Variants in P2RY8 observed in about 807,000 individuals in gnomAD.
P2RY8 encodes S-geranylgeranyl-glutathione receptor P2RY8.
In P2RY8, 6 loss-of-function variants were observed where a neutral mutation model predicts 10.0. The observed-to-expected ratio is 0.60, with a 90% CI of 0.33 to 1.19. P2RY8 has a LOEUF of 1.19. Ranked by LOEUF, P2RY8 falls within the 50% of genes most tolerant of loss-of-function variation. P2RY8 has a pLI of 0.04. For missense variants in P2RY8, 456 were observed against 542.0 expected (o/e 0.84, Z 1.58); for synonymous variants, 276 against 252.5 (o/e 1.09, Z -0.88).
chrX:1,475,224 T>G (rs1224930302), intron 1 of P2RY8, among the ~76,000 whole-genome samples: 2 of 146,218 alleles, frequency 1.4e-5, no homozygotes, highest in Non-Finnish European at 3.0e-5. Flanking sequence ...GGTGGATGGA[T>G]GGATGAGTGG....
At chrX:1,486,910 A>G (rs2091991213) in intron 1 of P2RY8, among the ~76,000 whole-genome samples, 1 of 152,144 alleles carries the variant, frequency 6.6e-6, no homozygotes, top group Admixed American at 6.5e-5. Context: ...TGTCCCTCAG[A>G]GAGCCCCGGT....
chrX:1,469,718 C>T (rs1246044195), intron 1 of P2RY8, among the ~76,000 whole-genome samples: 2 of 151,752 alleles, frequency 1.3e-5, no homozygotes, highest in South Asian at 2.1e-4. Flanking sequence ...GGTGAAACCC[C>T]ATCTCTACTA....
At chrX:1,473,542 TG>T (rs2091825808) in intron 1 of P2RY8, among the ~76,000 whole-genome samples, 1 of 106,462 alleles carries the variant, frequency 9.4e-6, no homozygotes, top group Admixed American at 9.7e-5. Context: ...GATGGGTGGG[TG>T]GGTGGATGAA....
rs1316024516 is a variant in P2RY8 at position 1,503,751 on chromosome X, T to G, written c.-25+33170A>C. Among the ~76,000 whole-genome samples, 7 of 152,004 alleles carry G rather than the reference T, an allele frequency of 4.6e-5. No homozygotes were observed. In the East Asian group the frequency reaches 1.4e-3, roughly 30 times the overall value. ...CTCTGCTAAAAATACAAAAATTAGCTGGGCATGGTGGCAGGCACCTGTAGT... is the reference window on the plus strand; with the variant it reads ...CTCTGCTAAAAATACAAAAATTAGCGGGGCATGGTGGCAGGCACCTGTAGT... On this transcript the variant is annotated intron_variant, in intron 1 of 1. Coordinates refer to ENST00000381297, the MANE Select transcript of P2RY8 (RefSeq NM_178129.5).
intron 1 of P2RY8, among the ~76,000 whole-genome samples, chrX:1,499,831 G>T (rs1340876451): frequency 6.6e-6 from 1 of 150,512 alleles, no homozygotes; most frequent in Non-Finnish European, 1.5e-5. Flanking sequence ...CTAATTTTTT[G>T]AATCTGTTTT....
At chrX:1,490,229 A>G (rs1251579530) in intron 1 of P2RY8, among the ~76,000 whole-genome samples, 1 of 121,572 alleles carries the variant, frequency 8.2e-6, no homozygotes, top group Admixed American at 7.6e-5. Context: ...GAATGAATGA[A>G]TGATACCCAG....
rs770403593 is a variant in P2RY8, at chrX:1,525,314, G to A, written c.-25+11607C>T. Among the ~76,000 whole-genome samples the A allele has an allele frequency of 1.4e-4, 22 of 152,304 alleles. No individual in the cohort carries two copies. In the South Asian group the frequency reaches 3.3e-3, roughly 23 times the overall value. On this transcript the variant is annotated intron_variant, in intron 1 of 1. Coordinates refer to ENST00000381297, the MANE Select transcript of P2RY8 (RefSeq NM_178129.5). ...CTTTGCAGATGGGATTAAGGTGTAA[G>A]TTAGGATGACATCATACTGCATTTG...
At chrX:1,493,986 T>C (rs1428218693) in intron 1 of P2RY8, 1 of 152,244 alleles carries the variant, frequency 6.6e-6, no homozygotes, top group Non-Finnish European at 1.5e-5. Flanking sequence ...GCTGAGGGCT[T>C]TCTCTGGCAT....
chrX:1,511,097 A>C (rs1160950087), intron 1 of P2RY8, among the ~76,000 whole-genome samples: 4 of 148,694 alleles, frequency 2.7e-5, no homozygotes, highest in Admixed American at 2.0e-4. Context: ...GGAGAATGGC[A>C]TGAAGCTGGA....
intron 1 of P2RY8, among the ~76,000 whole-genome samples, chrX:1,495,054 G>A (rs1400613042): frequency 2.0e-5 from 3 of 151,952 alleles, no homozygotes; most frequent in Non-Finnish European, 4.4e-5. Context: ...GTACTCATTG[G>A]ATGATGCTAA....
At chrX:1,482,160 GGTGTGT>G (rs5901178) in intron 1 of P2RY8, among the ~76,000 whole-genome samples, 33 of 147,042 alleles carry the variant, frequency 2.2e-4, no homozygotes, top group African/African-American at 4.7e-4. Context: ...TTGTGTGTGT[GGTGTGT>G]GTGTGTGTGT....
intron 1 of P2RY8, among the ~76,000 whole-genome samples, chrX:1,470,238 G>A (rs1400645698): frequency 2.0e-5 from 3 of 146,642 alleles, no homozygotes; most frequent in Non-Finnish European, 3.0e-5. Context: ...TGGGCCAGGC[G>A]CGGTGACTCA....
In P2RY8 at chrX:1,536,874, C is replaced by T. The variant is rs188725822; in HGVS notation, c.-25+47G>A. ...GACCCTCCCAGCGACCCTGTCTTCTCCCTTGACAGTGCAGGACAAGCATAA... is the reference window on the plus strand; with the variant it reads ...GACCCTCCCAGCGACCCTGTCTTCTTCCTTGACAGTGCAGGACAAGCATAA... On this transcript the variant is annotated intron_variant, in intron 1 of 1. Transcript: ENST00000381297. The T allele has an allele frequency of 9.9e-4, 211 of 212,630 alleles. 3 individuals are homozygous for T. The highest frequency in any genetic ancestry group is 9.3e-3 in the Admixed American group (158 of 17,056). 13.2% of individuals were successfully genotyped at this position (212,630 alleles called of 1,614,324 possible).
Position 1,470,085 on chromosome X carries a change from A to G in P2RY8, c.-24-3503T>C, listed in dbSNP as rs147429266. ...AACAAAACTCAGGACCTGGCCGGGCATCATGGCTCACACCTGTAATTCCAG... is the reference window on the plus strand; with the variant it reads ...AACAAAACTCAGGACCTGGCCGGGCGTCATGGCTCACACCTGTAATTCCAG... On this transcript the variant is annotated intron_variant, in intron 1 of 1. Transcript: ENST00000381297. Among the ~76,000 whole-genome samples, 1,368 of 152,184 alleles carry G rather than the reference A, an allele frequency of 9.0e-3. 21 individuals carry two copies. Among genetic ancestry groups the G allele is most frequent in the African/African-American group, 0.031 (1,302 of 41,528 alleles).
rs1287096983 is a variant in P2RY8 at position 1,532,394 on chromosome X, A to G, written c.-25+4527T>C. 1.5e-5 allele frequency among the ~76,000 whole-genome samples: 2 copies of G among 129,190 alleles called. 1 individual carries two copies. The highest frequency in any genetic ancestry group is 3.7e-5 in the Non-Finnish European group (2 of 53,880). The allele number at this position is 129,190 out of a possible 152,430, so 84.8% of individuals were successfully genotyped here. A position where few individuals can be genotyped will look rare whatever the true frequency, so the allele number is the denominator to read the frequency against. On this transcript the variant is annotated intron_variant, in intron 1 of 1. Coordinates refer to ENST00000381297, the MANE Select transcript of P2RY8 (RefSeq NM_178129.5). ...ACGTATATGATGTGTGTATATGCAC[A>G]TATATGTATATATGTATATGATGTG...
intron 1 of P2RY8, among the ~76,000 whole-genome samples, chrX:1,505,126 A>C (rs1322704264): frequency 5.5e-5 from 6 of 108,828 alleles, no homozygotes; most frequent in African/African-American, 2.2e-4. Context: ...TGACAGAGAG[A>C]GACTCTGTCT....
chrX:1,496,402 T>C (rs1319468834), intron 1 of P2RY8, among the ~76,000 whole-genome samples: 1 of 152,126 alleles, frequency 6.6e-6, no homozygotes, highest in Non-Finnish European at 1.5e-5. Flanking sequence ...ATGAGAAGGC[T>C]CACAGCCACA....
rs183170998 is a variant in P2RY8 at position 1,475,769 on chromosome X, G to C, written c.-24-9187C>G. On this transcript the variant is annotated intron_variant, in intron 1 of 1. Transcript: ENST00000381297. The stretch of plus-strand genomic sequence containing the variant: ...TCTCAAGACTTGAAGATATAAAGAC[G>C]GCACTGCAAAGCAATAACAACAACA... Among the ~76,000 whole-genome samples the C allele has an allele frequency of 4.1e-3, 627 of 152,210 alleles. 3 individuals are homozygous for C. The highest frequency in any genetic ancestry group is 0.014 in the African/African-American group (591 of 41,516).
rs554081932 is a variant in P2RY8, at chrX:1,500,991, G to T, written c.-24-34409C>A. Among the ~76,000 whole-genome samples the T allele has an allele frequency of 1.8e-3, 269 of 152,270 alleles. 2 individuals are homozygous for T. In the South Asian group the frequency reaches 0.019, roughly 11 times the overall value. ...CCAAGCAGCTGGGGCCGCCTGTCTG[G>T]CCCAGGGTGGCCTGAATCTCTCGGT... On this transcript the variant is annotated intron_variant, in intron 1 of 1. Transcript: ENST00000381297.
Sources: allele counts gnomAD v4.1 joint callset (sites outside exome capture counted in the v4.1 genomes callset), GRCh38; gene constraint gnomAD v4.1.1; transcripts MANE v1.5; gene names NCBI Gene and HGNC (gene_info 2026-07-23, HGNC 2026-07-21).